Variants in TAF1 observed in about 807,000 individuals in gnomAD.
TAF1 encodes TATA-box binding protein associated factor 1, also known as transcription initiation factor TFIID subunit 1.
In TAF1, 2 loss-of-function variants were observed where a neutral mutation model predicts 138.5. The observed-to-expected ratio is 0.01, with a 90% CI of 0.01 to 0.05. The LOEUF is 0.05. Among genes scored for constraint, TAF1 ranks in the 10% least tolerant of loss-of-function variants. The pLI is 1.00. For synonymous variants in TAF1, 437 were observed against 503.2 expected, an observed-to-expected ratio of 0.87 and a Z score of 1.76; for missense variants, 709 against 1,478.0, an observed-to-expected ratio of 0.48 and a Z score of 8.53.
chrX:71,510,350 AAG>A (rs1491088318), intron 13 of TAF1, among the ~76,000 whole-genome samples: 1 of 110,864 alleles, frequency 9.0e-6, no homozygotes, highest in Non-Finnish European at 1.9e-5. Flanking sequence ...GAAAAAAAAA[AAG>A]GAAGAGAAGC....
intron 32 of TAF1, among the ~76,000 whole-genome samples, chrX:71,436,285 G>A (rs1277766510): frequency 4.0e-5 from 4 of 100,408 alleles, no homozygotes; most frequent in African/African-American, 1.5e-4. Flanking sequence ...GCGCGATCTC[G>A]GCTCACTGCA....
intron 13 of TAF1, among the ~76,000 whole-genome samples, chrX:71,479,321 C>A: frequency 8.9e-6 from 1 of 112,106 alleles, no homozygotes; most frequent in Non-Finnish European, 1.9e-5. Flanking sequence ...CCTGTAATCC[C>A]AGCACTTTGG....
intron 13 of TAF1, among the ~76,000 whole-genome samples, chrX:71,480,676 G>A (rs1057439681): frequency 8.9e-6 from 1 of 111,785 alleles, no homozygotes; most frequent in Non-Finnish European, 1.9e-5. Context: ...CTGTGAGGTG[G>A]TGATAAGTAC....
At chrX:71,389,817 G>A (rs2034454786) in intron 18 of TAF1, 152 bp downstream of exon 18, 1 of 397,348 alleles carries the variant, frequency 2.5e-6, no homozygotes, top group South Asian at 5.7e-5. Flanking sequence ...AAAAAATGAT[G>A]CGATATATCA....
At chrX:71,372,157 C>T (rs2033103905) in intron 3 of TAF1, among the ~76,000 whole-genome samples, 1 of 110,506 alleles carries the variant, frequency 9.0e-6, no homozygotes, top group African/African-American at 3.3e-5. Context: ...TCAGGCTGGG[C>T]GTGGTGGCTC....
intron 13 of TAF1, among the ~76,000 whole-genome samples, chrX:71,476,952 T>G (rs957702710): frequency 2.4e-4 from 26 of 110,134 alleles, no homozygotes; most frequent in African/African-American, 8.6e-4. Context: ...ACTTTTTTTT[T>G]TTTTGAGACT....
intron 32 of TAF1, among the ~76,000 whole-genome samples, chrX:71,445,207 C>T (rs1490169749): frequency 4.8e-5 from 5 of 104,769 alleles, no homozygotes; most frequent in African/African-American, 1.1e-4. Flanking sequence ...GGCTGAGGCA[C>T]GAGAATTGGT....
At chrX:71,409,667 C>T (rs1349008792) in intron 28 of TAF1, among the ~76,000 whole-genome samples, 3 of 111,090 alleles carry the variant, frequency 2.7e-5, no homozygotes, top group Non-Finnish European at 5.7e-5. Flanking sequence ...AGTAGTACTA[C>T]GTGAATTTTA....
chrX:71,472,211 G>A (rs2038903140), intron 13 of TAF1, among the ~76,000 whole-genome samples: 1 of 111,162 alleles, frequency 9.0e-6, no homozygotes, highest in Non-Finnish European at 1.9e-5. Flanking sequence ...GGCTAGTCTC[G>A]AACTCCTGGG....
At position 71,396,059 on chromosome X, in the gene TAF1, G is replaced by A. The variant is rs756978606; in HGVS notation, c.3407-1194G>A. Among the ~76,000 whole-genome samples the A allele has an allele frequency of 1.0e-4, 11 of 108,244 alleles. No homozygotes were observed. The South Asian group carries it at 3.3e-3, about 32-fold the overall frequency. The allele number at this position is 108,244 out of a possible 115,157, so 94.0% of individuals were successfully genotyped here. A position where few individuals can be genotyped will look rare whatever the true frequency, so the allele number is the denominator to read the frequency against. Reference sequence around the variant, plus strand: ...AGCTACTTGTGAGGCTGAGGCAGGAGAATCGCTTGAACCCGGGAAGCAGAG... The same window carrying A: ...AGCTACTTGTGAGGCTGAGGCAGGAAAATCGCTTGAACCCGGGAAGCAGAG... On this transcript the variant is annotated intron_variant, in intron 22 of 37. Coordinates refer to ENST00000423759, the MANE Select transcript of TAF1 (RefSeq NM_004606.5).
intron 13 of TAF1, among the ~76,000 whole-genome samples, chrX:71,495,095 C>CTA (rs993615754): frequency 9.8e-5 from 11 of 111,864 alleles, no homozygotes; most frequent in African/African-American, 3.6e-4. Flanking sequence ...AATCCCCACT[C>CTA]TAAACAGGAC....
chrX:71,459,868 G>A (rs1469221211), intron 36 of TAF1, among the ~76,000 whole-genome samples, 160 bp downstream of exon 36: 5 of 111,594 alleles, frequency 4.5e-5, no homozygotes, highest in Non-Finnish European at 9.4e-5. Context: ...TCAGGCGTAG[G>A]ATGATCATAT....
chrX:71,382,126 A>G (rs928462105), intron 9 of TAF1, among the ~76,000 whole-genome samples: 8 of 112,163 alleles, frequency 7.1e-5, no homozygotes, highest in African/African-American at 1.3e-4. Context: ...GAAAGTTGCA[A>G]CTTTGAGATG....
At chrX:71,367,108 C>A (rs1276353818) in intron 1 of TAF1, among the ~76,000 whole-genome samples, 1 of 112,147 alleles carries the variant, frequency 8.9e-6, no homozygotes, top group African/African-American at 3.2e-5. Flanking sequence ...CGCTGTGGCC[C>A]CTCCTGTGCC....
At chrX:71,507,522 G>A (rs946742011) in intron 13 of TAF1, among the ~76,000 whole-genome samples, 8 of 110,950 alleles carry the variant, frequency 7.2e-5, no homozygotes, top group Non-Finnish European at 1.3e-4. Flanking sequence ...GAGCCACCAC[G>A]CTTGGCCACA....
chrX:71,453,218 C>T (rs1189742097), intron 32 of TAF1, among the ~76,000 whole-genome samples: 1 of 111,469 alleles, frequency 9.0e-6, no homozygotes, highest in African/African-American at 3.3e-5. Context: ...CAGAGAGTTC[C>T]CATATACTCC....
chrX:71,498,523 C>T (rs921076476), intron 13 of TAF1, among the ~76,000 whole-genome samples: 1 of 111,592 alleles, frequency 9.0e-6, no homozygotes, highest in Non-Finnish European at 1.9e-5. Flanking sequence ...CTAACAATAT[C>T]CTGTAATCCT....
chrX:71,502,960 C>CAAAAACA (rs756948982), intron 13 of TAF1, among the ~76,000 whole-genome samples: 4 of 108,008 alleles, frequency 3.7e-5, no homozygotes, highest in Non-Finnish European at 5.7e-5. Flanking sequence ...AAAAGAAAAA[C>CAAAAACA]AAAAACAAAA....
chrX:71,494,651 A>G (rs934501087), intron 13 of TAF1, among the ~76,000 whole-genome samples: 2 of 111,564 alleles, frequency 1.8e-5, no homozygotes, highest in Non-Finnish European at 3.8e-5. Context: ...TTGTGACTGC[A>G]TAGTATTGTG....
Sources: allele counts gnomAD v4.1 joint callset (sites outside exome capture counted in the v4.1 genomes callset), GRCh38; gene constraint gnomAD v4.1.1; transcripts MANE v1.5; gene names NCBI Gene and HGNC (gene_info 2026-07-23, HGNC 2026-07-21).